The following EIF3I variants were observed in gnomAD, a reference collection of about 807,000 sequenced individuals.
EIF3I encodes the protein eukaryotic translation initiation factor 3 subunit I, also known as TGF-beta receptor-interacting protein 1.
In EIF3I, 20 loss-of-function variants were observed where a neutral mutation model predicts 43.3. That is an observed-to-expected ratio of 0.46 (90% CI 0.32 to 0.67). EIF3I has a LOEUF of 0.67. Among genes scored for constraint, EIF3I ranks in the 30% least tolerant of loss-of-function variants. EIF3I has a pLI of 0.03. For synonymous variants in EIF3I, 167 were observed against 151.7 expected (o/e 1.10, Z -0.74); for missense variants, 279 against 421.4 (o/e 0.66, Z 2.96).
At chr1:32,224,523 T>C (rs1446305156) in intron 4 of EIF3I, 48 bp downstream of exon 4, 5 of 1,429,798 alleles carry the variant, frequency 3.5e-6, no homozygotes, top group Admixed American at 3.4e-5. Flanking sequence ...GGACCTACAG[T>C]GTACCTGTTT....
exon 6 of EIF3I, chr1:32,226,495 C>T: frequency 6.3e-7 from 1 of 1,587,154 alleles, no homozygotes; most frequent in Non-Finnish European, 8.6e-7. Context: ...CATCGCTGGC[C>T]ATGAGAGTGG....
At chr1:32,224,167 C>G in intron 3 of EIF3I, 46 bp downstream of exon 3, 8 of 1,594,498 alleles carry the variant, frequency 5.0e-6, no homozygotes, top group Non-Finnish European at 6.0e-6. Flanking sequence ...GGTCTGTCAG[C>G]GATGGAGAGG....
chr1:32,225,700 G>A (rs1639132014), intron 4 of EIF3I, among the ~76,000 whole-genome samples: 1 of 150,910 alleles, frequency 6.6e-6, no homozygotes, highest in Admixed American at 6.6e-5. Context: ...TCGCACAGCA[G>A]CCTGCAGGAC....
In EIF3I at chr1:32,228,362, G is replaced by A. The variant is rs1317773585; in HGVS notation, c.529-137G>A. On this transcript the variant is annotated intron_variant, in intron 6 of 11. Coordinates refer to ENST00000676679, the Ensembl canonical transcript of EIF3I. ...GGACAGAGTCAAGGGATATTTAGGG[G>A]TGACTGATAGGATAGAGGGGGTGAG... The A allele has an allele frequency of 2.5e-5, 17 of 674,356 alleles. No individual in the cohort carries two copies. In the Admixed American group the frequency reaches 3.8e-4, roughly 15 times the overall value. The allele number at this position is 674,356 out of a possible 1,614,324, so 41.8% of individuals were successfully genotyped here.
intron 9 of EIF3I, among the ~76,000 whole-genome samples, chr1:32,229,483 C>T (rs1392889897): frequency 1.3e-5 from 2 of 151,012 alleles, no homozygotes; most frequent in African/African-American, 2.4e-5. Flanking sequence ...CTCCTGACCT[C>T]GTGATACGCC....
chr1:32,226,521 T>C, exon 6 of EIF3I: 1 of 1,546,992 alleles, frequency 6.5e-7, no homozygotes, highest in South Asian at 1.3e-5. Flanking sequence ...TCAACCAGTA[T>C]AGTGCCAAGG....
chr1:32,228,217 C>G (rs564859787), intron 6 of EIF3I, among the ~76,000 whole-genome samples: 3 of 152,150 alleles, frequency 2.0e-5, no homozygotes, highest in Non-Finnish European at 4.4e-5. Context: ...TGACTTTCCT[C>G]CAGGCAGTAG....
intron 2 of EIF3I, 98 bp downstream of exon 2, chr1:32,222,728 C>CA: frequency 1.6e-6 from 2 of 1,246,444 alleles, no homozygotes; most frequent in Non-Finnish European, 1.2e-6. Flanking sequence ...AACCAAAGAG[C>CA]AGCCCATTGT....
At chr1:32,227,470 C>G (rs945981083) in intron 6 of EIF3I, among the ~76,000 whole-genome samples, 27 of 151,882 alleles carry the variant, frequency 1.8e-4, no homozygotes, top group Non-Finnish European at 1.5e-5. Context: ...ACAAAGTACT[C>G]AGGACATGTT....
intron 9 of EIF3I, among the ~76,000 whole-genome samples, chr1:32,230,180 C>T (rs534840875): frequency 3.3e-5 from 5 of 152,070 alleles, no homozygotes; most frequent in African/African-American, 1.2e-4. Context: ...AACCATGGCA[C>T]GCAGCCACCA....
downstream of EIF3I, chr1:32,234,466 G>C (rs941773512): frequency 1.3e-5 from 2 of 152,642 alleles, no homozygotes; most frequent in Non-Finnish European, 2.9e-5. Flanking sequence ...CCCAAACAGC[G>C]CCAACAGTAG....
chr1:32,227,906 G>T (rs1639171679), intron 6 of EIF3I, among the ~76,000 whole-genome samples: 1 of 152,220 alleles, frequency 6.6e-6, no homozygotes, highest in African/African-American at 2.4e-5. Context: ...TCCCCCATGG[G>T]GAGACAGACT....
At chr1:32,235,193 T>A (rs961705198), downstream of EIF3I, 7 of 152,396 alleles carry the variant, frequency 4.6e-5, no homozygotes, top group African/African-American at 1.7e-4. Flanking sequence ...TCAAGACCAA[T>A]GAGGGAGACA....
exon 1 of EIF3I, chr1:32,222,411 A>C (rs371644805): frequency 2.5e-6 from 4 of 1,587,186 alleles, no homozygotes; most frequent in Admixed American, 3.4e-5. Flanking sequence ...GGTCTTACTC[A>C]CGTTGCGGCC....
intron 4 of EIF3I, 133 bp downstream of exon 4, chr1:32,224,608 G>A: frequency 1.8e-6 from 1 of 566,790 alleles, no homozygotes; most frequent in Non-Finnish European, 3.1e-6. Context: ...AGACAAGAAA[G>A]ATAGATGAGA....
At chr1:32,231,082 G>A in intron 11 of EIF3I, 33 bp from the exon 11 acceptor site, 3 of 1,614,002 alleles carry the variant, frequency 1.9e-6, no homozygotes, top group East Asian at 2.2e-5. Flanking sequence ...CCCAGAGTAA[G>A]CACCTGACTG....
At position 32,224,019 on chromosome 1, in the gene EIF3I, G is replaced by GT; in HGVS notation, c.97-12dup. 1 of 1,613,938 alleles carries GT rather than the reference G, an allele frequency of 6.2e-7. No individual in the cohort carries two copies. The highest frequency in any genetic ancestry group is 2.2e-5 in the East Asian group (1 of 44,878). Reference sequence around the variant, plus strand: ...TTACTGGGATGTGTACTATCCTGTGGTTTGACTTTTCCAGATCGTCAATGT... The same window carrying GT: ...TTACTGGGATGTGTACTATCCTGTGGTTTTGACTTTTCCAGATCGTCAATGT... On this transcript the variant is annotated splice_polypyrimidine_tract_variant and intron_variant, in intron 2 of 11. Transcript: ENST00000676679.
intron 2 of EIF3I, among the ~76,000 whole-genome samples, chr1:32,223,149 G>A (rs1639059592): frequency 6.6e-6 from 1 of 152,210 alleles, no homozygotes; most frequent in South Asian, 2.1e-4. Context: ...TTTCTACCAG[G>A]ATAGGTGCAG....
At chr1:32,229,061 G>A in intron 8 of EIF3I, 74 bp from the exon 9 acceptor site, 1 of 1,491,590 alleles carries the variant, frequency 6.7e-7, no homozygotes, top group Non-Finnish European at 9.2e-7. Flanking sequence ...TGTTAAAAAT[G>A]TATATGGCAG....
Sources: gnomAD v4.1 joint callset for allele counts (sites outside exome capture counted in the v4.1 genomes callset) on GRCh38, gnomAD v4.1.1 for gene constraint, MANE v1.5 for transcripts, NCBI Gene and HGNC (gene_info 2026-07-23, HGNC 2026-07-21) for gene names.